Variants in TFB1M observed in about 807,000 individuals in gnomAD.
TFB1M encodes the protein transcription factor B1, mitochondrial, also known as dimethyladenosine transferase 1, mitochondrial.
TFB1M carries 27 observed loss-of-function variants against 31.1 expected under a neutral mutation model. That is an observed-to-expected ratio of 0.87 (90% CI 0.64 to 1.20). The LOEUF (loss-of-function observed/expected upper bound fraction) is 1.20, where lower values mean the gene tolerates loss of function less well. Ranked by LOEUF, TFB1M falls within the 50% of genes most tolerant of loss-of-function variation. The pLI, the probability that TFB1M is intolerant of heterozygous loss-of-function variation, is 0.00. For synonymous variants in TFB1M, 166 were observed against 151.8 expected, an observed-to-expected ratio of 1.09 and a Z score of -0.69; for missense variants, 394 against 418.7, an observed-to-expected ratio of 0.94 and a Z score of 0.51.
chr6:155,251,437 C>T (rs1270793660), downstream of TFB1M, among the ~76,000 whole-genome samples: 1 of 152,120 alleles, frequency 6.6e-6, no homozygotes, highest in African/African-American at 2.4e-5. Flanking sequence ...CAGGTGCTCG[C>T]CACCACGCCC....
chr6:155,298,354 T>C, intron 3 of TFB1M, 123 bp downstream of exon 3: 1 of 652,624 alleles, frequency 1.5e-6, no homozygotes, highest in Non-Finnish European at 2.7e-6. Context: ...CATTATTTAA[T>C]TCTGTTCAGA....
chr6:155,243,990 C>T, the TFB1M span: 4 of 1,609,720 alleles, frequency 2.5e-6, no homozygotes, highest in African/African-American at 4.0e-5. Context: ...GTTGAAGACA[C>T]TTTCTTCTAT....
chr6:155,251,554 T>G (rs1028264355), downstream of TFB1M, among the ~76,000 whole-genome samples: 1 of 152,218 alleles, frequency 6.6e-6, no homozygotes, highest in Non-Finnish European at 1.5e-5. Context: ...CCTGGAGTGC[T>G]GGGATTACAG....
At chr6:155,254,231 A>T, downstream of TFB1M, 1 of 1,000,066 alleles carries the variant, frequency 1.0e-6, no homozygotes. Flanking sequence ...GATTAAATAA[A>T]TATCAAAATC....
At chr6:155,304,849 G>A (rs1333177355) in intron 2 of TFB1M, among the ~76,000 whole-genome samples, 1 of 151,602 alleles carries the variant, frequency 6.6e-6, no homozygotes, top group African/African-American at 2.4e-5. Context: ...AATACAGGTG[G>A]CTGTTGGTGA....
chr6:155,254,072 T>C (rs753382693), downstream of TFB1M: 54 of 1,609,782 alleles, frequency 3.4e-5, no homozygotes, highest in Non-Finnish European at 4.5e-5. Context: ...TATGACTGAC[T>C]TCCAAAGATT....
chr6:155,254,712 A>G, downstream of TFB1M: 1 of 1,098,844 alleles, frequency 9.1e-7, no homozygotes, highest in South Asian at 1.7e-5. Context: ...AGAAACCTAA[A>G]CATGCCTCTT....
At position 155,311,213 on chromosome 6, in the gene TFB1M, T is replaced by C. The variant is rs767686675; in HGVS notation, c.260A>G (p.Asp87Gly). ...CTGTAATCCAGGAATAAATCGAGTG[T>C]CCTTTTCAACCACCAGAAGTTCAGC... ...DVAELLVVEK[D>G]TRFIPGLQML... The change falls in exon 2 of 7, where the codon GAC becomes GGC. Residue 87 changes from aspartate to glycine, a missense_variant. Transcript: ENST00000367166. 9 of 1,614,140 alleles carry C rather than the reference T, an allele frequency of 5.6e-6. No homozygotes were observed. Among genetic ancestry groups the C allele is most frequent in the Non-Finnish European group, 5.9e-6 (7 of 1,179,974 alleles).
In TFB1M at chr6:155,257,960, A is replaced by T. The variant is rs1419315119; in HGVS notation, c.917T>A (p.Val306Glu). 6.2e-7 allele frequency: 1 copy of T among 1,614,118 alleles called. No homozygotes were observed. Among genetic ancestry groups the T allele is most frequent in the Non-Finnish European group, 8.5e-7 (1 of 1,180,052 alleles). The change falls in exon 7 of 7, where the codon GTA becomes GAA. Residue 306 changes from valine (V) to glutamate (E), a missense_variant. Transcript: ENST00000367166. ...GTCTTCATCACACATTTTTCTGTAT[A>T]CATCACAGAGGCTCTTAAAGTGTGA... is the stretch of plus-strand genomic sequence containing the variant. ...SISHFKSLCD[V>E]YRKMCDEDPQ...
chr6:155,270,258 G>A (rs186597483), intron 5 of TFB1M, among the ~76,000 whole-genome samples: 36 of 152,284 alleles, frequency 2.4e-4, no homozygotes, highest in Non-Finnish European at 5.0e-4. Context: ...CATCAGTGAC[G>A]CCAAGTCAGC....
At chr6:155,305,222 A>ATATATATATTAAATTATATATT (rs1562424720) in intron 2 of TFB1M, among the ~76,000 whole-genome samples, 9 of 38,648 alleles carry the variant, frequency 2.3e-4, no homozygotes, top group African/African-American at 1.1e-3. Flanking sequence ...TTATATATTT[A>ATATATATATTAAATTATATATT]TATATATATA....
intron 4 of TFB1M, among the ~76,000 whole-genome samples, chr6:155,290,388 CAAAAAA>C (rs1189869721): frequency 2.8e-5 from 3 of 107,562 alleles, no homozygotes; most frequent in Non-Finnish European, 3.9e-5. Context: ...GACTCGGCCT[CAAAAAA>C]AAAAAAAAAA....
chr6:155,270,688 G>A (rs911947399), intron 5 of TFB1M, among the ~76,000 whole-genome samples: 9 of 152,162 alleles, frequency 5.9e-5, no homozygotes, highest in Admixed American at 5.9e-4. Flanking sequence ...AGAGGTTAGA[G>A]TGGGGAGCAG....
intron 2 of TFB1M, among the ~76,000 whole-genome samples, chr6:155,310,649 C>T (rs1777974834): frequency 2.0e-5 from 3 of 152,072 alleles, no homozygotes; most frequent in Non-Finnish European, 4.4e-5. Flanking sequence ...TCATTTAAAC[C>T]TCATCCTAAA....
intron 2 of TFB1M, among the ~76,000 whole-genome samples, chr6:155,309,470 G>A (rs1296767330): frequency 6.6e-6 from 1 of 152,186 alleles, no homozygotes; most frequent in East Asian, 1.9e-4. Flanking sequence ...AATTAGGAAC[G>A]CAGTGACTTA....
In TFB1M at chr6:155,257,189, G is replaced by GAAAA; in HGVS notation, c.*646_*647insTTTT. 50 of 534,840 alleles carry GAAAA rather than the reference G, an allele frequency of 9.3e-5. No homozygotes were observed. The highest frequency in any genetic ancestry group is 3.1e-4 in the South Asian group (9 of 29,174). 33.1% of individuals were successfully genotyped at this position (534,840 alleles called of 1,614,324 possible). A position where few individuals can be genotyped will look rare whatever the true frequency, so the allele number is the denominator to read the frequency against. On this transcript the variant is annotated 3_prime_UTR_variant, in exon 7 of 7. Coordinates refer to ENST00000367166, the MANE Select transcript of TFB1M (RefSeq NM_016020.4). Reference sequence around the variant, plus strand: ...TTAAACTGGTGGTAAAGTGGAAATTGCAAAAAAAAAAAAAAAAAAAAACTG... The same window carrying GAAAA: ...TTAAACTGGTGGTAAAGTGGAAATTGAAAACAAAAAAAAAAAAAAAAAAAAACTG...
At chr6:155,232,125 G>T in the TFB1M span, among the ~76,000 whole-genome samples, 1 of 152,072 alleles carries the variant, frequency 6.6e-6, no homozygotes, top group African/African-American at 2.4e-5. Flanking sequence ...TGGGGAAGTA[G>T]TCATTCAGCC....
At chr6:155,285,703 T>C (rs1323518519) in intron 4 of TFB1M, among the ~76,000 whole-genome samples, 1 of 152,246 alleles carries the variant, frequency 6.6e-6, no homozygotes, top group Non-Finnish European at 1.5e-5. Flanking sequence ...TTTTAAATGG[T>C]GTGCTTTTCA....
intron 2 of TFB1M, chr6:155,299,464 CTTAG>C (rs1777332115): frequency 6.6e-6 from 1 of 152,110 alleles, no homozygotes; most frequent in Admixed American, 6.5e-5. Flanking sequence ...TCTTGAAGTC[CTTAG>C]TTAAATATTA....
Sources: gnomAD v4.1 joint callset for allele counts (sites outside exome capture counted in the v4.1 genomes callset) on GRCh38, gnomAD v4.1.1 for gene constraint, MANE v1.5 for transcripts, NCBI Gene and HGNC (gene_info 2026-07-23, HGNC 2026-07-21) for gene names.